CHST11: variants seen among roughly 807,000 people sequenced by gnomAD.
CHST11 encodes carbohydrate sulfotransferase 11, also known as C4S-1.
In CHST11, 9 loss-of-function variants were observed where a neutral mutation model predicts 30.4. That is an observed-to-expected ratio of 0.30 (90% CI 0.18 to 0.52). The LOEUF is 0.52. Among genes scored for constraint, CHST11 ranks in the 20% least tolerant of loss-of-function variants. The pLI, the probability that CHST11 is intolerant of heterozygous loss-of-function variation, is 0.97. For missense variants in CHST11, 348 were observed against 460.6 expected (o/e 0.76, Z 2.24); for synonymous variants, 152 against 187.8 (o/e 0.81, Z 1.56).
rs555532030 is a variant in CHST11 at position 104,586,153 on chromosome 12, G to C, written c.119-15753G>C. On this transcript the variant is annotated intron_variant, in intron 1 of 2. Coordinates refer to ENST00000303694, the MANE Select transcript of CHST11 (RefSeq NM_018413.6). ...ATGGTTGCAGGTCCCTAGTGGATAT[G>C]AATTTTGGAGGGACACTGTGCAGTC... 8.5e-5 allele frequency among the ~76,000 whole-genome samples: 13 copies of C among 152,290 alleles called. No homozygotes were observed. In the East Asian group the frequency reaches 1.4e-3, roughly 16 times the overall value.
Position 104,676,679 on chromosome 12 carries a change from A to G in CHST11, c.204+74688A>G, listed in dbSNP as rs2039745670. Among the ~76,000 whole-genome samples, 1 of 152,216 alleles carries G rather than the reference A, an allele frequency of 6.6e-6. No homozygotes were observed. The highest frequency in any genetic ancestry group is 2.4e-5 in the African/African-American group (1 of 41,464). On this transcript the variant is annotated intron_variant, in intron 2 of 2. Transcript: ENST00000303694. This position sits in a 1 kb window ranked among gnomAD's most constrained non-coding sequence, Gnocchi z 4.4. ...CGGCCTCCCAAAGTGTTGGGATTAC[A>G]GGCATGAGCCACTGCACCCGGCCTC...
At chr12:104,497,504 T>C (rs1006874758) in intron 1 of CHST11, among the ~76,000 whole-genome samples, 1 of 152,210 alleles carries the variant, frequency 6.6e-6, no homozygotes, top group Non-Finnish European at 1.5e-5. Context: ...TACTCTGTGG[T>C]ATTTTGTTAT....
At chr12:104,530,033 C>T (rs921552420) in intron 1 of CHST11, among the ~76,000 whole-genome samples, 2 of 152,112 alleles carry the variant, frequency 1.3e-5, no homozygotes, top group African/African-American at 4.8e-5. Context: ...GTGGCACAAG[C>T]CTGTAATCCC....
Position 104,649,813 on chromosome 12 carries a change from G to C in CHST11, c.204+47822G>C, listed in dbSNP as rs550084592. On this transcript the variant is annotated intron_variant, in intron 2 of 2. Transcript: ENST00000303694. ...AGATCCCTTGAAATAATGGGATGGG[G>C]AATGCAGCACTCAGCATGGTGAGCT... 1.1e-4 allele frequency among the ~76,000 whole-genome samples: 17 copies of C among 152,344 alleles called. No individual in the cohort carries two copies. In the South Asian group the frequency reaches 3.3e-3, roughly 30 times the overall value.
At position 104,674,713 on chromosome 12, in the gene CHST11, C is replaced by CT. The variant is rs137956366; in HGVS notation, c.204+72732dup. 8.1e-3 allele frequency among the ~76,000 whole-genome samples: 1,218 copies of CT among 149,656 alleles called. 3 individuals are homozygous for CT. The highest frequency in any genetic ancestry group is 9.6e-3 in the Non-Finnish European group (643 of 67,234). ...AGTCAGTCTTTGCTAACGGATTAGA[C>CT]TTTTTTTTTTCAGCCCCTGCCTTGA... is the stretch of plus-strand genomic sequence containing the variant. On this transcript the variant is annotated intron_variant, in intron 2 of 2. Transcript: ENST00000303694.
At position 104,500,012 on chromosome 12, in the gene CHST11, CT is replaced by C. The variant is rs566162449; in HGVS notation, c.118+42485del. Among the ~76,000 whole-genome samples the C allele has an allele frequency of 1.8e-3, 267 of 152,322 alleles. 1 individual carries two copies. Among genetic ancestry groups the C allele is most frequent in the African/African-American group, 6.2e-3 (256 of 41,572 alleles). On this transcript the variant is annotated intron_variant, in intron 1 of 2. Coordinates refer to ENST00000303694, the MANE Select transcript of CHST11 (RefSeq NM_018413.6). ...TTTTAATCTGGCACCCCAGGTGACC[CT>C]TAAGCTCCTTCTATTTTTCCCTGTA...
chr12:104,682,033 C>T (rs2039802096), intron 2 of CHST11, among the ~76,000 whole-genome samples: 1 of 151,876 alleles, frequency 6.6e-6, no homozygotes. Context: ...CGGGGTTTCA[C>T]CGTTTTAGCC....
intron 2 of CHST11, among the ~76,000 whole-genome samples, chr12:104,675,032 G>T (rs781172499): frequency 6.6e-6 from 1 of 152,150 alleles, no homozygotes; most frequent in Non-Finnish European, 1.5e-5. Flanking sequence ...AAGGTACTGC[G>T]TAACTCTTAA....
At chr12:104,627,491 G>A (rs140947364) in intron 2 of CHST11, among the ~76,000 whole-genome samples, 66 of 152,238 alleles carry the variant, frequency 4.3e-4, no homozygotes, top group African/African-American at 1.6e-3. Context: ...GCAGATCAGC[G>A]CATACTCTCC....
intron 2 of CHST11, among the ~76,000 whole-genome samples, chr12:104,654,039 G>C (rs1270082515): frequency 6.6e-6 from 1 of 152,162 alleles, no homozygotes; most frequent in Non-Finnish European, 1.5e-5. Flanking sequence ...GAATGTAATG[G>C]AACCCTGTAT....
chr12:104,557,638 G>A (rs2038470475), intron 1 of CHST11, among the ~76,000 whole-genome samples: 1 of 152,082 alleles, frequency 6.6e-6, no homozygotes, highest in African/African-American at 2.4e-5. Context: ...GAGGGCGGGA[G>A]AGGAGGGAAC....
chr12:104,639,005 G>A (rs1306412298), intron 2 of CHST11, among the ~76,000 whole-genome samples: 1 of 152,210 alleles, frequency 6.6e-6, no homozygotes, highest in Non-Finnish European at 1.5e-5. Context: ...CAGCTTGGGA[G>A]TGGGAAGCTT....
chr12:104,610,043 C>CTGTGTGTG lies in CHST11; in HGVS notation c.204+8098_204+8105dup, dbSNP rs56983056. 2.8e-3 allele frequency among the ~76,000 whole-genome samples: 396 copies of CTGTGTGTG among 143,158 alleles called. 4 individuals carry two copies. The highest frequency in any genetic ancestry group is 8.2e-3 in the African/African-American group (315 of 38,462). The allele number at this position is 143,158 out of a possible 152,430, so 93.9% of individuals were successfully genotyped here. On this transcript the variant is annotated intron_variant, in intron 2 of 2. Coordinates refer to ENST00000303694, the MANE Select transcript of CHST11 (RefSeq NM_018413.6). ...CTGATTTATAAAGCCATGAGTGCCTCTGTGTGTGTGTGTGTGTGTGTGTGT... is the reference window on the plus strand; with the variant it reads ...CTGATTTATAAAGCCATGAGTGCCTCTGTGTGTGTGTGTGTGTGTGTGTGTGTGTGTGT...
chr12:104,577,799 C>T (rs1363197797), intron 1 of CHST11, among the ~76,000 whole-genome samples: 1 of 152,202 alleles, frequency 6.6e-6, no homozygotes. Flanking sequence ...CAAGACCGAT[C>T]TGGTTGAGAA....
intron 1 of CHST11, among the ~76,000 whole-genome samples, chr12:104,591,892 A>G (rs906970008): frequency 2.0e-5 from 3 of 152,028 alleles, no homozygotes; most frequent in East Asian, 3.9e-4. Context: ...TTCTATATAT[A>G]TTTGTATGTA....
chr12:104,713,264 C>A (rs1258760593), intron 2 of CHST11, among the ~76,000 whole-genome samples: 1 of 152,070 alleles, frequency 6.6e-6, no homozygotes, highest in Non-Finnish European at 1.5e-5. Context: ...GGCTGGACTG[C>A]ATTTATTCTG....
intron 1 of CHST11, among the ~76,000 whole-genome samples, chr12:104,563,699 G>T (rs1023740194): frequency 6.6e-6 from 1 of 151,960 alleles, no homozygotes; most frequent in Non-Finnish European, 1.5e-5. Flanking sequence ...CTTCTTCCAT[G>T]GGGTAGACTG....
intron 2 of CHST11, among the ~76,000 whole-genome samples, chr12:104,711,640 G>A (rs969153362): frequency 6.6e-6 from 1 of 151,850 alleles, no homozygotes; most frequent in Non-Finnish European, 1.5e-5. Flanking sequence ...AGCCTACAAG[G>A]GTGAATTTAA....
intron 1 of CHST11, among the ~76,000 whole-genome samples, chr12:104,457,791 T>TGG (rs1161072143): frequency 6.8e-5 from 10 of 147,722 alleles, no homozygotes; most frequent in South Asian, 2.2e-4. Context: ...GGTAGTTTTT[T>TGG]TTTTTTTTTT....
Sources: allele counts gnomAD v4.1 joint callset (sites outside exome capture counted in the v4.1 genomes callset), GRCh38; gene constraint gnomAD v4.1.1; non-coding constraint Gnocchi (gnomAD v3.1); transcripts MANE v1.5; gene names NCBI Gene and HGNC (gene_info 2026-07-23, HGNC 2026-07-21).